DNAH5: variants seen among roughly 807,000 people sequenced by gnomAD.
DNAH5 encodes the protein axonemal beta dynein heavy chain 5.
Under a neutral mutation model 518.2 loss-of-function variants are expected in DNAH5, and 372 were observed. That is an observed-to-expected ratio of 0.72 (90% CI 0.66 to 0.78). The LOEUF (loss-of-function observed/expected upper bound fraction) is 0.78. Among genes scored for constraint, DNAH5 ranks in the 30% least tolerant of loss-of-function variants. The pLI, the probability that DNAH5 is intolerant of heterozygous loss-of-function variation, is 0.00. For missense variants in DNAH5, 5,523 were observed against 5,687.0 expected (o/e 0.97, Z 0.93); for synonymous variants, 2,039 against 2,025.9 (o/e 1.01, Z -0.17).
chr5:13,965,171 A>T (rs1781447340), intron 1 of DNAH5, among the ~76,000 whole-genome samples: 1 of 152,154 alleles, frequency 6.6e-6, no homozygotes, highest in Non-Finnish European at 1.5e-5. Flanking sequence ...TACCAGAATG[A>T]GCCCCTCAAG....
chr5:13,849,421 G>C (rs2151880962), intron 31 of DNAH5, among the ~76,000 whole-genome samples: 1 of 152,300 alleles, frequency 6.6e-6, no homozygotes, highest in South Asian at 2.1e-4. Context: ...GAAAGCAGAT[G>C]GAGACTCCGC....
At chr5:13,876,843 C>T (rs765477924) in intron 21 of DNAH5, 26 bp from the exon 22 acceptor site, 1 of 1,607,546 alleles carries the variant, frequency 6.2e-7, no homozygotes, top group East Asian at 2.2e-5. Flanking sequence ...GAAGAGAAAA[C>T]TTTACACTAC....
chr5:13,779,655 G>T (rs1011685663), intron 53 of DNAH5, among the ~76,000 whole-genome samples: 4 of 152,078 alleles, frequency 2.6e-5, no homozygotes, highest in African/African-American at 9.7e-5. Flanking sequence ...CACTTTTCAT[G>T]TGCTAATTAT....
rs548148671 is a variant in DNAH5 at position 13,965,960 on chromosome 5, C to A, written c.13-34716G>T. Reference sequence around the variant, plus strand: ...ATTTCTGAGATTTTGGTGCACCCATCACCTGAATACTATCCCTCACCCCCC... The same window carrying A: ...ATTTCTGAGATTTTGGTGCACCCATAACCTGAATACTATCCCTCACCCCCC... On this transcript the variant is annotated intron_variant, in intron 1 of 78. Coordinates refer to the DNAH5 transcript ENST00000681290. Among the ~76,000 whole-genome samples, 199 of 152,202 alleles carry A rather than the reference C, an allele frequency of 1.3e-3. 1 individual carries two copies. The highest frequency in any genetic ancestry group is 4.7e-3 in the African/African-American group (197 of 41,524).
intron 17 of DNAH5, 132 bp downstream of exon 17, chr5:13,890,844 T>C (rs937934511): frequency 1.0e-6 from 1 of 987,606 alleles, no homozygotes; most frequent in Non-Finnish European, 1.5e-6. Flanking sequence ...GAAGATTCCA[T>C]GTCTGAATCA....
At chr5:13,975,523 A>G (rs1782179252) in intron 1 of DNAH5, among the ~76,000 whole-genome samples, 1 of 152,234 alleles carries the variant, frequency 6.6e-6, no homozygotes. Context: ...GTGAGAAGAC[A>G]GAATGGACAG....
In DNAH5 at chr5:13,766,131, G is replaced by C. The variant is rs920631802; in HGVS notation, c.9946C>G (p.Pro3316Ala). Residue 3316 changes from proline (P) to alanine (A), a missense_variant, in exon 59 of 79, where the codon CCT becomes GCT. By Grantham distance (27) the Pro-to-Ala change is conservative (BLOSUM62 -1). Coordinates refer to ENST00000265104, the MANE Select transcript of DNAH5 (RefSeq NM_001369.3). ...TCCATGATCCGCATGATGAGGTGAG[G>C]GGGGCGGCCCAACGTGCGAACAGTG... is the stretch of plus-strand genomic sequence containing the variant. ...IATVRTLGRP[P>A]HLIMRIMDCV... The C allele has an allele frequency of 3.1e-6, 5 of 1,614,104 alleles. No individual in the cohort carries two copies. Among genetic ancestry groups the C allele is most frequent in the Non-Finnish European group, 4.2e-6 (5 of 1,180,026 alleles).
At chr5:13,998,476 C>T (rs998307033) in intron 1 of DNAH5, among the ~76,000 whole-genome samples, 13 of 152,302 alleles carry the variant, frequency 8.5e-5, no homozygotes, top group East Asian at 5.8e-4. Flanking sequence ...AAAACACATG[C>T]GCATTGAACA....
rs747546685 is a variant in DNAH5 at position 13,727,515 on chromosome 5, T to C, written c.12025A>G (p.Ile4009Val). Residue 4009 changes from isoleucine to valine, a missense_variant, in exon 70 of 79, where the codon ATC becomes GTC. Physicochemically the swap from Ile to Val is conservative, Grantham distance 29 (BLOSUM62 3). Coordinates refer to ENST00000265104, the MANE Select transcript of DNAH5 (RefSeq NM_001369.3). ...LIRSWCPDRT[I>V]AQARKYIVDS... ...TAATATGGACTTTTTACCTGGGCGA[T>C]GGTTCTGTCAGGACACCAGGATCTA... is the stretch of plus-strand genomic sequence containing the variant. 8 of 1,612,932 alleles carry C rather than the reference T, an allele frequency of 5.0e-6. No individual in the cohort carries two copies. The highest frequency in any genetic ancestry group is 6.8e-6 in the Non-Finnish European group (8 of 1,179,176).
chr5:13,765,398 T>C (rs1752384561), intron 59 of DNAH5, among the ~76,000 whole-genome samples: 1 of 152,224 alleles, frequency 6.6e-6, no homozygotes, highest in African/African-American at 2.4e-5. Context: ...CATACAATAT[T>C]ATTTCACATA....
Position 13,919,264 on chromosome 5 carries a change from T to G in DNAH5, c.887A>C (p.Lys296Thr), listed in dbSNP as rs1776993121. ...CAATTGTTCCAAAAGGTAGTTAAACTTGGAGAGTCTTTTTTTCCAGTGCTC... is the reference window on the plus strand; with the variant it reads ...CAATTGTTCCAAAAGGTAGTTAAACGTGGAGAGTCTTTTTTTCCAGTGCTC... ...ELEHWKKRLS[K>T]FNYLLEQLKS... The change falls in exon 7 of 79, where the codon AAG becomes ACG. Residue 296 changes from lysine (K) to threonine (T), a missense_variant. Transcript: ENST00000265104. 1.9e-6 allele frequency: 3 copies of G among 1,614,034 alleles called. No homozygotes were observed. The highest frequency in any genetic ancestry group is 2.5e-6 in the Non-Finnish European group (3 of 1,180,024).
chr5:13,982,901 T>C (rs906167326), intron 1 of DNAH5, among the ~76,000 whole-genome samples: 1 of 152,250 alleles, frequency 6.6e-6, no homozygotes, highest in Non-Finnish European at 1.5e-5. Context: ...CTGCTTTCTC[T>C]TCCTTCCATC....
intron 73 of DNAH5, 86 bp from the exon 74 acceptor site, chr5:13,716,776 T>C: frequency 1.3e-5 from 11 of 871,510 alleles, no homozygotes; most frequent in South Asian, 4.2e-5. Flanking sequence ...GTATTCACTT[T>C]CAACATCATT....
chr5:13,924,743 T>C (rs1777680058), intron 3 of DNAH5, among the ~76,000 whole-genome samples: 1 of 152,106 alleles, frequency 6.6e-6, no homozygotes, highest in Non-Finnish European at 1.5e-5. Context: ...CAACACACTG[T>C]GTAAAGTCCT....
At chr5:13,903,794 G>A (rs1029993421) in intron 12 of DNAH5, among the ~76,000 whole-genome samples, 1 of 151,962 alleles carries the variant, frequency 6.6e-6, no homozygotes, top group East Asian at 1.9e-4. Context: ...AACTTTATAG[G>A]CATTTGGGTG....
chr5:13,831,045 C>G (rs1161270448), intron 35 of DNAH5, among the ~76,000 whole-genome samples: 1 of 152,148 alleles, frequency 6.6e-6, no homozygotes, highest in African/African-American at 2.4e-5. Context: ...TTCAGGCTTT[C>G]TTATCATAAT....
intron 1 of DNAH5, among the ~76,000 whole-genome samples, chr5:13,993,876 T>C (rs753897978): frequency 6.6e-6 from 1 of 152,154 alleles, no homozygotes; most frequent in Non-Finnish European, 1.5e-5. Flanking sequence ...GGGTGCAAGA[T>C]CACCTCCAGC....
chr5:13,795,297 G>C (rs545245367), intron 47 of DNAH5, among the ~76,000 whole-genome samples: 6 of 151,636 alleles, frequency 4.0e-5, no homozygotes, highest in Non-Finnish European at 8.8e-5. Flanking sequence ...ATTGATAGAC[G>C]GCTAGCAAGA....
At chr5:13,948,871 C>T (rs1336947642), upstream of DNAH5, among the ~76,000 whole-genome samples, 1 of 152,012 alleles carries the variant, frequency 6.6e-6, no homozygotes, top group Non-Finnish European at 1.5e-5. Context: ...CTGTGGTCAC[C>T]CAAACAACCT....
Sources: allele counts gnomAD v4.1 joint callset (sites outside exome capture counted in the v4.1 genomes callset), GRCh38; gene constraint gnomAD v4.1.1; transcripts MANE v1.5; gene names NCBI Gene and HGNC (gene_info 2026-07-23, HGNC 2026-07-21).